The following NFIB variants were observed in gnomAD, a reference collection of about 807,000 sequenced individuals.
NFIB encodes the protein nuclear factor 1 B-type.
Under a neutral mutation model 61.5 loss-of-function variants are expected in NFIB, and 11 were observed. The observed-to-expected ratio is 0.18, with a 90% CI of 0.11 to 0.30. The LOEUF (loss-of-function observed/expected upper bound fraction) is 0.30, where lower values mean the gene tolerates loss of function less well. Ranked by LOEUF, NFIB falls within the 10% of genes least tolerant of loss-of-function variation. NFIB has a pLI of 1.00. For synonymous variants in NFIB, 260 were observed against 216.5 expected, an observed-to-expected ratio of 1.20 and a Z score of -1.76; for missense variants, 471 against 608.9, an observed-to-expected ratio of 0.77 and a Z score of 2.38.
intron 1 of NFIB, among the ~76,000 whole-genome samples, chr9:14,370,463 C>A (rs1001654242): frequency 6.6e-6 from 1 of 152,062 alleles, no homozygotes; most frequent in Non-Finnish European, 1.5e-5. Context: ...TAAGAGGAAG[C>A]CAAATCACGT....
chr9:14,180,468 C>T (rs1254298701), intron 2 of NFIB, among the ~76,000 whole-genome samples: 1 of 152,142 alleles, frequency 6.6e-6, no homozygotes, highest in Non-Finnish European at 1.5e-5. Context: ...AGATCAATGT[C>T]GTATATCTGA....
intron 10 of NFIB, among the ~76,000 whole-genome samples, chr9:14,093,869 T>G (rs2034350176): frequency 6.6e-6 from 1 of 152,100 alleles, no homozygotes; most frequent in African/African-American, 2.4e-5. Context: ...AACAAACACT[T>G]AAGTTGAATC....
chr9:14,149,643 G>A (rs922883103), intron 5 of NFIB, among the ~76,000 whole-genome samples: 10 of 152,234 alleles, frequency 6.6e-5, no homozygotes, highest in East Asian at 3.9e-4. Context: ...GTAACAGAGC[G>A]TTAATTAAAT....
chr9:14,500,871 T>G, the NFIB span, among the ~76,000 whole-genome samples: 2 of 152,174 alleles, frequency 1.3e-5, no homozygotes, highest in African/African-American at 4.8e-5. Flanking sequence ...CTCCCTGGTT[T>G]CTAAACTCAG....
chr9:14,291,565 C>T (rs1271905335), intron 2 of NFIB, among the ~76,000 whole-genome samples: 1 of 151,810 alleles, frequency 6.6e-6, no homozygotes, highest in African/African-American at 2.4e-5. Context: ...GTTTTATTTA[C>T]TAAATATTAA....
intron 6 of NFIB, among the ~76,000 whole-genome samples, chr9:14,129,425 C>T (rs528112866): frequency 1.3e-5 from 2 of 149,194 alleles, no homozygotes; most frequent in Admixed American, 1.3e-4. Flanking sequence ...AAAAAAAACA[C>T]CCTCTCTAGA....
chr9:14,097,211 A>G (rs1406158081), intron 10 of NFIB, among the ~76,000 whole-genome samples: 1 of 152,214 alleles, frequency 6.6e-6, no homozygotes, highest in African/African-American at 2.4e-5. Flanking sequence ...CAGCCCCTTT[A>G]CCAAACAATG....
chr9:14,384,476 T>C (rs1013763377), intron 1 of NFIB, among the ~76,000 whole-genome samples: 12 of 152,354 alleles, frequency 7.9e-5, no homozygotes, highest in African/African-American at 2.4e-4. Flanking sequence ...CCAAATGTCC[T>C]GTTTTAAATT....
At chr9:14,525,611 A>T in the NFIB span, among the ~76,000 whole-genome samples, 1 of 152,194 alleles carries the variant, frequency 6.6e-6, no homozygotes. Flanking sequence ...GTATTTAATG[A>T]TGAAAATTAA....
In NFIB at chr9:14,083,254, G is replaced by C. The variant is rs534974701; in HGVS notation, c.*5055C>G. On this transcript the variant is annotated 3_prime_UTR_variant, in exon 11 of 11. Coordinates refer to ENST00000380953, the MANE Select transcript of NFIB (RefSeq NM_001190737.2). ...AAAGAGTTGTCATGGCAATGAGTTT[G>C]GCTGATGCAAAGGTCATTGTGCAGG... 4.4e-6 allele frequency: 1 copy of C among 225,600 alleles called. No homozygotes were observed. Among genetic ancestry groups the C allele is most frequent in the East Asian group, 6.4e-5 (1 of 15,690 alleles). The allele number at this position is 225,600 out of a possible 1,614,324, so 14.0% of individuals were successfully genotyped here.
intron 2 of NFIB, among the ~76,000 whole-genome samples, chr9:14,267,429 C>A (rs1478815629): frequency 6.6e-6 from 1 of 152,030 alleles, no homozygotes; most frequent in African/African-American, 2.4e-5. Context: ...GCTCAAAGGG[C>A]CTTTTAACCA....
chr9:14,347,141 G>C (rs936420195), intron 1 of NFIB, among the ~76,000 whole-genome samples: 2 of 140,780 alleles, frequency 1.4e-5, no homozygotes, highest in East Asian at 4.0e-4. Flanking sequence ...GCTTGGGAAG[G>C]GTGGGATCTT....
intron 2 of NFIB, among the ~76,000 whole-genome samples, chr9:14,211,276 A>T (rs1161918695): frequency 6.6e-6 from 1 of 152,208 alleles, no homozygotes; most frequent in Non-Finnish European, 1.5e-5. Flanking sequence ...CAATTTTAAA[A>T]ACTGCACTCA....
intron 2 of NFIB, among the ~76,000 whole-genome samples, chr9:14,283,223 C>T (rs2058493277): frequency 1.3e-5 from 2 of 152,198 alleles, no homozygotes; most frequent in Non-Finnish European, 2.9e-5. Context: ...ATCACTGTGA[C>T]TCCGGACTAG....
At chr9:14,306,030 A>G (rs1229587834) in intron 2 of NFIB, 1 of 980,078 alleles carries the variant, frequency 1.0e-6, no homozygotes. Flanking sequence ...TACTTAAGGA[A>G]AATATATTAA....
chr9:14,252,219 A>G (rs1018414482), intron 2 of NFIB, among the ~76,000 whole-genome samples: 5 of 152,224 alleles, frequency 3.3e-5, no homozygotes, highest in African/African-American at 1.2e-4. Flanking sequence ...ACGGGCTGAT[A>G]TGGCTGGTGG....
intron 2 of NFIB, among the ~76,000 whole-genome samples, chr9:14,193,286 G>A (rs894195035): frequency 1.3e-5 from 2 of 151,858 alleles, no homozygotes; most frequent in South Asian, 2.1e-4. Context: ...TTGTGCATGT[G>A]TTTTTCCTTC....
the NFIB span, among the ~76,000 whole-genome samples, chr9:14,435,873 A>G: frequency 6.6e-6 from 1 of 152,244 alleles, no homozygotes; most frequent in African/African-American, 2.4e-5. Flanking sequence ...AAAGATTTGA[A>G]AAAGGAATAA....
intron 2 of NFIB, among the ~76,000 whole-genome samples, chr9:14,222,663 C>A (rs901203688): frequency 1.3e-5 from 2 of 151,746 alleles, no homozygotes; most frequent in Non-Finnish European, 1.5e-5. Context: ...GGCATGGTGG[C>A]ACACACCTAT....
Sources: allele counts gnomAD v4.1 joint callset (sites outside exome capture counted in the v4.1 genomes callset), GRCh38; gene constraint gnomAD v4.1.1; transcripts MANE v1.5; gene names NCBI Gene and HGNC (gene_info 2026-07-23, HGNC 2026-07-21).